The following PTPRD variants were observed in gnomAD, a reference collection of about 807,000 sequenced individuals.
The protein encoded by PTPRD is protein tyrosine phosphatase receptor type D.
PTPRD carries 34 observed loss-of-function variants against 214.5 expected under a neutral mutation model. That is an observed-to-expected ratio of 0.16 (90% CI 0.12 to 0.21). The LOEUF (loss-of-function observed/expected upper bound fraction) is 0.21. Among genes scored for constraint, PTPRD ranks in the 10% least tolerant of loss-of-function variants. PTPRD has a pLI of 1.00. For synonymous variants in PTPRD, 1,128 were observed against 845.7 expected (o/e 1.33, Z -5.79); for missense variants, 2,545 against 2,398.7 (o/e 1.06, Z -1.27).
chr9:8,460,187 G>T (rs962161446), intron 33 of PTPRD: 2 of 579,188 alleles, frequency 3.5e-6, no homozygotes, highest in African/African-American at 1.9e-5. Flanking sequence ...CAGAATAGAT[G>T]CATGTTGGAC....
chr9:9,760,391 A>G (rs1011805289), intron 6 of PTPRD, among the ~76,000 whole-genome samples: 28 of 152,068 alleles, frequency 1.8e-4, no homozygotes, highest in African/African-American at 6.8e-4. Flanking sequence ...AGGGTAAAAC[A>G]TTATTCTGAA....
intron 5 of PTPRD, among the ~76,000 whole-genome samples, chr9:9,883,335 G>A (rs759052947): frequency 5.9e-5 from 9 of 152,002 alleles, no homozygotes; most frequent in Admixed American, 2.0e-4. Flanking sequence ...TGAGAGAAAC[G>A]CTAGAAATTT....
At chr9:10,480,300 T>C (rs980567508) in intron 2 of PTPRD, among the ~76,000 whole-genome samples, 2 of 152,168 alleles carry the variant, frequency 1.3e-5, no homozygotes. Context: ...ATCCATTCTC[T>C]ACCAGGCAGC....
In PTPRD at chr9:8,974,553, G is replaced by A. The variant is rs1400155182; in HGVS notation, c.-104+44144C>T. On this transcript the variant is annotated intron_variant, in intron 11 of 45. Transcript: ENST00000381196. ...AATGTGCTACTTTTCGAAGGCCAAG[G>A]AGCTATTTTCAGGATGGCATCTGTT... Among the ~76,000 whole-genome samples, 6 of 152,038 alleles carry A rather than the reference G, an allele frequency of 3.9e-5. No homozygotes were observed. In the South Asian group the frequency reaches 8.3e-4, roughly 21 times the overall value.
chr9:9,577,419 G>T (rs1422445495), intron 7 of PTPRD, among the ~76,000 whole-genome samples: 2 of 151,912 alleles, frequency 1.3e-5, no homozygotes, highest in Non-Finnish European at 2.9e-5. Flanking sequence ...ACAAAAATTA[G>T]CCAGGGGTGG....
At chr9:9,191,330 T>C (rs2099935031) in intron 9 of PTPRD, among the ~76,000 whole-genome samples, 1 of 152,064 alleles carries the variant, frequency 6.6e-6, no homozygotes, top group Non-Finnish European at 1.5e-5. Flanking sequence ...CCAAAAGCCA[T>C]GTTGCTGAAC....
intron 27 of PTPRD, among the ~76,000 whole-genome samples, chr9:8,489,717 G>GAT (rs2097110476): frequency 6.6e-6 from 1 of 152,152 alleles, no homozygotes; most frequent in Non-Finnish European, 1.5e-5. Flanking sequence ...ATCAGGATAG[G>GAT]ATAAAAAAGG....
chr9:9,946,808 C>G (rs932759674), intron 4 of PTPRD, among the ~76,000 whole-genome samples: 1 of 151,908 alleles, frequency 6.6e-6, no homozygotes, highest in East Asian at 1.9e-4. Flanking sequence ...GGGATTTTAA[C>G]GATAGAATTA....
intron 5 of PTPRD, among the ~76,000 whole-genome samples, chr9:9,907,571 G>C (rs549168065): frequency 4.6e-5 from 7 of 152,068 alleles, no homozygotes; most frequent in African/African-American, 1.7e-4. Context: ...TAGGATCAGA[G>C]TCCTATTCTT....
At chr9:8,756,498 G>C (rs1202924439) in intron 11 of PTPRD, among the ~76,000 whole-genome samples, 1 of 152,130 alleles carries the variant, frequency 6.6e-6, no homozygotes, top group Admixed American at 6.5e-5. Flanking sequence ...CAGATCAAAG[G>C]AGACTGTGGT....
intron 3 of PTPRD, among the ~76,000 whole-genome samples, chr9:10,051,037 T>A (rs1309319433): frequency 6.6e-6 from 1 of 152,122 alleles, no homozygotes; most frequent in African/African-American, 2.4e-5. Context: ...TTAAGCATAA[T>A]AAAAGTTGTT....
chr9:10,324,840 C>A (rs948232801), intron 3 of PTPRD, among the ~76,000 whole-genome samples: 6 of 152,000 alleles, frequency 3.9e-5, no homozygotes, highest in Non-Finnish European at 7.4e-5. Flanking sequence ...GAAATCTCTA[C>A]ATGTTCTCAA....
At chr9:8,627,705 T>C (rs2096087992) in intron 14 of PTPRD, among the ~76,000 whole-genome samples, 1 of 151,802 alleles carries the variant, frequency 6.6e-6, no homozygotes, top group Admixed American at 6.6e-5. Context: ...GGAAAATGAA[T>C]AGCGTCTCCT....
chr9:10,289,041 T>C (rs1478456856), intron 3 of PTPRD, among the ~76,000 whole-genome samples: 1 of 151,652 alleles, frequency 6.6e-6, no homozygotes. Flanking sequence ...TTTTTTTATT[T>C]CTTTTTGTTT....
At chr9:10,483,639 G>A (rs980446854) in intron 2 of PTPRD, among the ~76,000 whole-genome samples, 3 of 151,862 alleles carry the variant, frequency 2.0e-5, no homozygotes, top group East Asian at 1.9e-4. Context: ...CTTAATAGAA[G>A]ATATATAAAT....
At chr9:8,614,538 T>A (rs1255979588) in intron 14 of PTPRD, among the ~76,000 whole-genome samples, 1 of 152,202 alleles carries the variant, frequency 6.6e-6, no homozygotes, top group African/African-American at 2.4e-5. Context: ...ACTTAAGTAC[T>A]CTTTAGGACT....
At chr9:10,033,437 A>G (rs2097121524) in intron 4 of PTPRD, among the ~76,000 whole-genome samples, 1 of 151,916 alleles carries the variant, frequency 6.6e-6, no homozygotes, top group African/African-American at 2.4e-5. Context: ...AAATTAGCTA[A>G]AAGTAATACT....
chr9:9,430,511 G>C (rs145604348), intron 8 of PTPRD, among the ~76,000 whole-genome samples: 12,615 of 151,952 alleles, frequency 0.083, 629 homozygotes, highest in Middle Eastern at 0.18. Context: ...CCATCCCCAT[G>C]AAGCTACCAA....
intron 7 of PTPRD, among the ~76,000 whole-genome samples, chr9:9,687,628 TA>T (rs1189119563): frequency 6.7e-6 from 1 of 149,196 alleles, no homozygotes; most frequent in Non-Finnish European, 1.5e-5. Context: ...AGTATAATAA[TA>T]AAAAAAGAAA....
Sources: gnomAD v4.1 joint callset for allele counts (sites outside exome capture counted in the v4.1 genomes callset) on GRCh38, gnomAD v4.1.1 for gene constraint, MANE v1.5 for transcripts, NCBI Gene and HGNC (gene_info 2026-07-23, HGNC 2026-07-21) for gene names.